The following ROBO2 variants were observed in gnomAD, a reference collection of about 807,000 sequenced individuals.
ROBO2 encodes the protein roundabout homolog 2.
Under a neutral mutation model 160.8 loss-of-function variants are expected in ROBO2, and 53 were observed. That is an observed-to-expected ratio of 0.33 (90% CI 0.26 to 0.41). The LOEUF is 0.41. ROBO2 is among the 10% of genes least tolerant of loss of function. The pLI, the probability that ROBO2 is intolerant of heterozygous loss-of-function variation, is 1.00. For synonymous variants in ROBO2, 664 were observed against 611.7 expected, an observed-to-expected ratio of 1.09 and a Z score of -1.26; for missense variants, 1,577 against 1,722.4, an observed-to-expected ratio of 0.92 and a Z score of 1.49.
intron 1 of ROBO2, among the ~76,000 whole-genome samples, chr3:77,072,555 G>A (rs4515097): frequency 0.44 from 66,356 of 151,928 alleles, 17,782 homozygotes; most frequent in African/African-American, 0.74. Flanking sequence ...AATTCCATTT[G>A]TCTGTCAGGA....
chr3:76,640,586 TTTGCGTGTGA>T (rs1156948383), intron 2 of ROBO2, among the ~76,000 whole-genome samples: 186 of 34,798 alleles, frequency 5.3e-3, no homozygotes, highest in South Asian at 0.015. Context: ...TCAATGCGTG[TTTGCGTGTGA>T]GTGTGTGTGT....
chr3:76,636,733 T>C (rs7614957), intron 2 of ROBO2, among the ~76,000 whole-genome samples: 59,413 of 151,932 alleles, frequency 0.39, 11,718 homozygotes, highest in South Asian at 0.47. Context: ...GACCCAACCA[T>C]AGCTCCCAGG....
At chr3:76,450,436 A>G (rs2077417360) in intron 2 of ROBO2, among the ~76,000 whole-genome samples, 2 of 152,186 alleles carry the variant, frequency 1.3e-5, no homozygotes. Flanking sequence ...TTTTTAAAGT[A>G]AAATATTTTT....
intron 2 of ROBO2, among the ~76,000 whole-genome samples, chr3:77,394,682 T>C (rs1344533501): frequency 1.3e-5 from 2 of 152,126 alleles, no homozygotes; most frequent in African/African-American, 4.8e-5. Flanking sequence ...AAAATAACAG[T>C]AAACAAGTCT....
chr3:77,147,924 G>A (rs796917847), intron 2 of ROBO2, among the ~76,000 whole-genome samples: 3 of 152,244 alleles, frequency 2.0e-5, no homozygotes, highest in African/African-American at 7.2e-5. Flanking sequence ...GAATTTGGGG[G>A]ATACCTTGAA....
intron 2 of ROBO2, among the ~76,000 whole-genome samples, chr3:76,522,616 T>C (rs976885316): frequency 1.3e-5 from 2 of 152,138 alleles, no homozygotes; most frequent in African/African-American, 4.8e-5. Context: ...CAAAGGAAAC[T>C]ATGAGTTCAG....
intron 2 of ROBO2, among the ~76,000 whole-genome samples, chr3:77,282,406 A>G (rs1474540335): frequency 6.6e-6 from 1 of 152,072 alleles, no homozygotes; most frequent in Non-Finnish European, 1.5e-5. Context: ...TTACTAAGTG[A>G]CCAGAATAAT....
intron 2 of ROBO2, among the ~76,000 whole-genome samples, chr3:77,164,876 G>A (rs1314900942): frequency 1.4e-5 from 1 of 69,248 alleles, no homozygotes; most frequent in Non-Finnish European, 4.7e-5. Flanking sequence ...CACCCCGTCC[G>A]GGAGGGAGGT....
At chr3:76,157,772 G>A (rs2072464689) in intron 2 of ROBO2, among the ~76,000 whole-genome samples, 1 of 152,080 alleles carries the variant, frequency 6.6e-6, no homozygotes, top group African/African-American at 2.4e-5. Flanking sequence ...TTGCAGTGTT[G>A]GCTATGTTTG....
chr3:77,113,996 C>T (rs376619077), intron 2 of ROBO2, among the ~76,000 whole-genome samples: 1 of 152,018 alleles, frequency 6.6e-6, no homozygotes, highest in Non-Finnish European at 1.5e-5. Flanking sequence ...AACTGAAGTC[C>T]CAGCTGATGA....
chr3:77,324,064 C>T (rs2065098552), intron 2 of ROBO2, among the ~76,000 whole-genome samples: 1 of 152,120 alleles, frequency 6.6e-6, no homozygotes, highest in South Asian at 2.1e-4. Context: ...GTGAGAGGGT[C>T]TCCCAATTTG....
chr3:76,427,010 C>T (rs554622523), intron 2 of ROBO2, among the ~76,000 whole-genome samples: 1 of 152,056 alleles, frequency 6.6e-6, no homozygotes, highest in African/African-American at 2.4e-5. Flanking sequence ...CATAGATGCA[C>T]GTGAATATGT....
intron 2 of ROBO2, among the ~76,000 whole-genome samples, chr3:77,232,831 C>T (rs2087407023): frequency 6.6e-6 from 1 of 152,062 alleles, no homozygotes; most frequent in Non-Finnish European, 1.5e-5. Flanking sequence ...CCCATGATTG[C>T]CTTTTCTAAC....
At position 76,742,191 on chromosome 3, in the gene ROBO2, GATAAAGATGTTCTAC is replaced by G. The variant is rs544889317; in HGVS notation, c.110-355819_110-355805del. ...TATCAACAGAGATGCTATATACAAA[GATAAAGATGTTCTAC>G]ATATTTTACCTAAAGAAGACATTTT... is the stretch of plus-strand genomic sequence containing the variant. On this transcript the variant is annotated intron_variant, in intron 2 of 26. Coordinates refer to the ROBO2 transcript ENST00000487694. 5.3e-3 allele frequency among the ~76,000 whole-genome samples: 808 copies of G among 152,098 alleles called. 11 individuals are homozygous for G. Among genetic ancestry groups the G allele is most frequent in the Non-Finnish European group, 5.8e-3 (392 of 67,948 alleles).
chr3:77,232,129 C>T (rs2087297457), intron 2 of ROBO2, among the ~76,000 whole-genome samples: 1 of 152,018 alleles, frequency 6.6e-6, no homozygotes, highest in East Asian at 1.9e-4. Context: ...GCTGGGGATA[C>T]AAAAGTGACT....
At chr3:75,980,071 T>C (rs1404352231) in intron 2 of ROBO2, among the ~76,000 whole-genome samples, 2 of 151,624 alleles carry the variant, frequency 1.3e-5, no homozygotes, top group African/African-American at 4.8e-5. Flanking sequence ...TTCATGTTGC[T>C]ATTAGCTGGA....
intron 1 of ROBO2, among the ~76,000 whole-genome samples, chr3:77,050,364 A>G (rs1013872699): frequency 2.4e-4 from 36 of 150,798 alleles, no homozygotes; most frequent in African/African-American, 8.8e-4. Flanking sequence ...GCCAGCAACA[A>G]CAAGCTATTA....
rs1553653753 is a variant in ROBO2, at chr3:76,132,397, G to GGC, written c.109+194796_109+194797insCG. ...ACCTGCCCAAATTCCAGACTGTTGGGGGGGGGGGGGGACGCAGATGTTCAG... is the reference window on the plus strand; with the variant it reads ...ACCTGCCCAAATTCCAGACTGTTGGGGCGGGGGGGGGGGACGCAGATGTTCAG... On this transcript the variant is annotated intron_variant, in intron 2 of 26. Coordinates refer to the ROBO2 transcript ENST00000487694. 2.6e-5 allele frequency among the ~76,000 whole-genome samples: 3 copies of GGC among 115,602 alleles called. 1 individual carries two copies. Among genetic ancestry groups the GGC allele is most frequent in the Middle Eastern group, 8.9e-3 (2 of 224 alleles). 75.8% of individuals were successfully genotyped at this position (115,602 alleles called of 152,430 possible). A position where few individuals can be genotyped will look rare whatever the true frequency, so the allele number is the denominator to read the frequency against.
Position 77,643,047 on chromosome 3 carries a change from C to T in ROBO2, c.3935-1657C>T, listed in dbSNP as rs186078885. On this transcript the variant is annotated intron_variant, in intron 24 of 25. Coordinates refer to ENST00000461745, the Ensembl canonical transcript of ROBO2. ...TTTAAGGGCATCTGAAAAACATTTG[C>T]CTTCAATCGTAATGGAATTTGGAAT... The T allele has an allele frequency of 4.2e-4, 170 of 400,148 alleles. No homozygotes were observed. The Admixed American group carries it at 4.7e-3, about 11-fold the overall frequency. The allele number at this position is 400,148 out of a possible 1,614,324, so 24.8% of individuals were successfully genotyped here.
Sources: gnomAD v4.1 joint callset for allele counts (sites outside exome capture counted in the v4.1 genomes callset) on GRCh38, gnomAD v4.1.1 for gene constraint, MANE v1.5 for transcripts, NCBI Gene and HGNC (gene_info 2026-07-23, HGNC 2026-07-21) for gene names.